The following CCDC102B variants were observed in gnomAD, a reference collection of about 807,000 sequenced individuals.
CCDC102B encodes coiled-coil domain containing 102B, also known as coiled-coil domain-containing protein 102B.
CCDC102B carries 75 observed loss-of-function variants against 57.4 expected under a neutral mutation model. That is an observed-to-expected ratio of 1.31 (90% CI 1.08 to 1.58). CCDC102B has a LOEUF of 1.58. Ranked by LOEUF, CCDC102B falls within the 40% of genes most tolerant of loss-of-function variation. The pLI is 0.00. For synonymous variants in CCDC102B, 206 were observed against 201.9 expected (o/e 1.02, Z -0.17); for missense variants, 636 against 582.6 (o/e 1.09, Z -0.94).
chr18:68,996,477 G>A lies in CCDC102B; in HGVS notation c.1264-14457G>A, dbSNP rs1450516134. 3.9e-5 allele frequency among the ~76,000 whole-genome samples: 6 copies of A among 152,246 alleles called. No individual in the cohort carries two copies. The East Asian group carries it at 7.7e-4, about 20-fold the overall frequency. On this transcript the variant is annotated intron_variant, in intron 6 of 7. Coordinates refer to ENST00000360242, the MANE Select transcript of CCDC102B (RefSeq NM_024781.3). ...GGGGGACTTTACCTTGTGATCATGT[G>A]AGTCAATACTCCTTAATAAACTCTG...
At chr18:68,782,925 A>G (rs2035054860) in intron 2 of CCDC102B, among the ~76,000 whole-genome samples, 1 of 152,192 alleles carries the variant, frequency 6.6e-6, no homozygotes, top group East Asian at 1.9e-4. Context: ...TTTTTAGTGT[A>G]ATTGAATGTA....
Position 68,837,366 on chromosome 18 carries a change from T to C in CCDC102B, c.603T>C (p.Asn201=). The change falls in exon 2 of 8, where the codon AAT becomes AAC. Residue 201 remains asparagine, a synonymous_variant. Coordinates refer to ENST00000360242, the MANE Select transcript of CCDC102B (RefSeq NM_024781.3). ...TTTCTACAAAGGAGGACACAAATAA[T>C]AAGGTAAGAAAAAAATCCAGAGATG... ...RQFSTKEDTN[N]KEQGVVIDSL... is the part of the protein sequence containing the mutation. The C allele has an allele frequency of 6.2e-7, 1 of 1,601,104 alleles. No homozygotes were observed. The highest frequency in any genetic ancestry group is 8.5e-7 in the Non-Finnish European group (1 of 1,174,278).
chr18:68,827,626 G>A (rs2036957304), intron 1 of CCDC102B, among the ~76,000 whole-genome samples: 1 of 152,002 alleles, frequency 6.6e-6, no homozygotes, highest in Non-Finnish European at 1.5e-5. Context: ...TTATAAAATG[G>A]CAGATATAAG....
At chr18:69,041,550 A>G (rs1599887861) in intron 7 of CCDC102B, among the ~76,000 whole-genome samples, 2 of 152,208 alleles carry the variant, frequency 1.3e-5, no homozygotes, top group East Asian at 1.9e-4. Context: ...TAATGCCCAA[A>G]GCCCTTCCAT....
At chr18:68,782,350 A>G (rs1375627402) in intron 2 of CCDC102B, among the ~76,000 whole-genome samples, 1 of 152,076 alleles carries the variant, frequency 6.6e-6, no homozygotes, top group Non-Finnish European at 1.5e-5. Context: ...AAATATATAT[A>G]TATATATACA....
chr18:69,037,052 C>T (rs922213066), intron 7 of CCDC102B, among the ~76,000 whole-genome samples: 5 of 142,994 alleles, frequency 3.5e-5, no homozygotes, highest in African/African-American at 1.3e-4. Flanking sequence ...CACACACACA[C>T]ATACATACAT....
At chr18:68,987,333 T>C (rs745761240) in intron 6 of CCDC102B, among the ~76,000 whole-genome samples, 1 of 152,140 alleles carries the variant, frequency 6.6e-6, no homozygotes, top group Non-Finnish European at 1.5e-5. Flanking sequence ...AGACTCCCCA[T>C]TCAATAAATG....
rs1047633136 is a variant in CCDC102B, at chr18:69,040,101, A to C, written c.1435-13929A>C. 2.0e-5 allele frequency among the ~76,000 whole-genome samples: 3 copies of C among 151,944 alleles called. 1 individual carries two copies. Among genetic ancestry groups the C allele is most frequent in the Non-Finnish European group, 4.4e-5 (3 of 67,922 alleles). Reference sequence around the variant, plus strand: ...GGTACCCTTATTTAACAGACCATAAAATGAATTTATCTATTACATGAGGAA... The same window carrying C: ...GGTACCCTTATTTAACAGACCATAACATGAATTTATCTATTACATGAGGAA... On this transcript the variant is annotated intron_variant, in intron 7 of 7. Transcript: ENST00000360242.
chr18:69,030,088 A>C (rs2052098708), intron 7 of CCDC102B, among the ~76,000 whole-genome samples: 1 of 152,174 alleles, frequency 6.6e-6, no homozygotes, highest in South Asian at 2.1e-4. Flanking sequence ...ACTGCTTATT[A>C]GGTACCTCAC....
At chr18:68,959,763 G>C (rs890887301) in intron 6 of CCDC102B, among the ~76,000 whole-genome samples, 4 of 151,878 alleles carry the variant, frequency 2.6e-5, no homozygotes, top group African/African-American at 9.7e-5. Context: ...TCTCCCTATG[G>C]TTACCACTGT....
chr18:68,852,132 C>A (rs937631727), intron 4 of CCDC102B, among the ~76,000 whole-genome samples: 4 of 131,472 alleles, frequency 3.0e-5, no homozygotes, highest in South Asian at 2.6e-4. Context: ...GTGGCCACTT[C>A]CCTCTCCCCC....
chr18:68,872,508 A>T (rs116882937), intron 4 of CCDC102B, among the ~76,000 whole-genome samples: 3,062 of 152,148 alleles, frequency 0.02, 36 homozygotes, highest in Non-Finnish European at 0.033. Context: ...AGTCTAATAT[A>T]TTCTTATTTT....
At chr18:69,019,587 C>T (rs982322893) in intron 7 of CCDC102B, among the ~76,000 whole-genome samples, 3 of 152,032 alleles carry the variant, frequency 2.0e-5, no homozygotes, top group African/African-American at 7.2e-5. Flanking sequence ...TATCCAGCAA[C>T]TTTACTGAAT....
intron 2 of CCDC102B, among the ~76,000 whole-genome samples, chr18:68,731,471 C>G (rs188917385): frequency 1.1e-3 from 169 of 152,068 alleles, no homozygotes; most frequent in African/African-American, 3.8e-3. Flanking sequence ...GTGATCCTTC[C>G]AAAATACCCT....
rs769509455 is a variant in CCDC102B, at chr18:68,839,021, T to C, written c.827+95T>C. ...AGATTGGTCATTTGATAATGTATTTTATCCATGTTTAGTCATTAAGTTTTA... is the reference window on the plus strand; with the variant it reads ...AGATTGGTCATTTGATAATGTATTTCATCCATGTTTAGTCATTAAGTTTTA... On this transcript the variant is annotated intron_variant, in intron 3 of 7. Transcript: ENST00000360242. 8.1e-6 allele frequency: 8 copies of C among 992,448 alleles called. No homozygotes were observed. The African/African-American group carries it at 1.1e-4, about 14-fold the overall frequency. 61.5% of individuals were successfully genotyped at this position (992,448 alleles called of 1,614,324 possible). A position where few individuals can be genotyped will look rare whatever the true frequency, so the allele number is the denominator to read the frequency against.
At chr18:68,935,229 T>A (rs1367973421) in intron 6 of CCDC102B, among the ~76,000 whole-genome samples, 1 of 152,004 alleles carries the variant, frequency 6.6e-6, no homozygotes, top group East Asian at 1.9e-4. Flanking sequence ...GAAGCCACTG[T>A]GGCTAAATGG....
intron 2 of CCDC102B, among the ~76,000 whole-genome samples, chr18:68,736,568 TGTTA>T (rs1482066898): frequency 7.3e-4 from 100 of 136,508 alleles, no homozygotes; most frequent in Middle Eastern, 3.7e-3. Flanking sequence ...AATGTAATAG[TGTTA>T]GTTATGTTTG....
chr18:68,860,478 A>AAAC (rs80030644), intron 4 of CCDC102B, among the ~76,000 whole-genome samples: 135 of 97,782 alleles, frequency 1.4e-3, no homozygotes, highest in Middle Eastern at 5.4e-3. Context: ...ACAAAAACAA[A>AAAC]AAAAAAAAAA....
At chr18:68,895,042 G>A (rs1372294957) in intron 5 of CCDC102B, among the ~76,000 whole-genome samples, 1 of 151,782 alleles carries the variant, frequency 6.6e-6, no homozygotes, top group Non-Finnish European at 1.5e-5. Context: ...TCATTGCTAA[G>A]TTGCTGCCTT....
Sources: gnomAD v4.1 joint callset for allele counts (sites outside exome capture counted in the v4.1 genomes callset) on GRCh38, gnomAD v4.1.1 for gene constraint, MANE v1.5 for transcripts, NCBI Gene and HGNC (gene_info 2026-07-23, HGNC 2026-07-21) for gene names.